ISLR2: variants seen among roughly 807,000 people sequenced by gnomAD.
ISLR2 encodes immunoglobulin superfamily containing leucine-rich repeat protein 2.
Under a neutral mutation model 25.5 loss-of-function variants are expected in ISLR2, and 16 were observed. That is an observed-to-expected ratio of 0.63 (90% CI 0.43 to 0.95). The LOEUF is 0.95. Among genes scored for constraint, ISLR2 ranks in the 40% least tolerant of loss-of-function variants. The pLI is 0.00. For synonymous variants in ISLR2, 508 were observed against 486.6 expected (o/e 1.04, Z -0.58); for missense variants, 883 against 1,030.7 (o/e 0.86, Z 1.96).
chr15:74,116,361 C>G (rs2072210906), intron 2 of ISLR2, among the ~76,000 whole-genome samples: 1 of 143,550 alleles, frequency 7.0e-6, no homozygotes, highest in Admixed American at 7.0e-5. Context: ...GCCAGGAGTT[C>G]AAGACCAGCC....
chr15:74,138,796 A>G (rs1215124053), downstream of ISLR2, among the ~76,000 whole-genome samples: 1 of 152,244 alleles, frequency 6.6e-6, no homozygotes, highest in Non-Finnish European at 1.5e-5. Context: ...CAAGAATATT[A>G]TCTCTTAGGA....
chr15:74,129,945 C>G (rs2072369323), upstream of ISLR2: 1 of 152,350 alleles, frequency 6.6e-6, no homozygotes, highest in African/African-American at 2.4e-5. This position sits in a 1 kb window ranked among gnomAD's most constrained non-coding sequence, Gnocchi z 4.5. Flanking sequence ...GTGCCCCGTT[C>G]TCCTGGAGCA....
At chr15:74,114,940 G>T (rs554657868) in intron 2 of ISLR2, among the ~76,000 whole-genome samples, 22 of 152,200 alleles carry the variant, frequency 1.4e-4, no homozygotes, top group African/African-American at 5.3e-4. Flanking sequence ...GGTAGAATTT[G>T]TGAGGTAGAG....
At chr15:74,108,320 C>G (rs774849687) in intron 2 of ISLR2, among the ~76,000 whole-genome samples, 5 of 152,180 alleles carry the variant, frequency 3.3e-5, no homozygotes, top group Non-Finnish European at 5.9e-5. Flanking sequence ...AGGCACAGCT[C>G]CTTGGACTGG....
upstream of ISLR2, chr15:74,128,098 CCTAA>C (rs901849535): frequency 4.4e-5 from 11 of 250,292 alleles, no homozygotes; most frequent in East Asian, 1.7e-4. Flanking sequence ...CACAGCCCTC[CCTAA>C]CTGTCATTAT....
chr15:74,121,187 C>T (rs1021435408), intron 2 of ISLR2, among the ~76,000 whole-genome samples: 2 of 152,184 alleles, frequency 1.3e-5, no homozygotes, highest in Non-Finnish European at 2.9e-5. Flanking sequence ...GGATTTATAG[C>T]AATTCCCTCC....
rs758644916 is a variant in ISLR2 at position 74,133,251 on chromosome 15, C to T, written c.497C>T (p.Thr166Ile). ...NNRLRTLAPG[T>I]FDALSALSHL... ...CGGCTGCGTACGCTGGCGCCTGGCA[C>T]CTTCGACGCGCTTAGCGCGCTGTCA... The change falls in exon 3 of 3, where the codon ACC (threonine) becomes ATC (isoleucine). Residue 166 changes from threonine to isoleucine, a missense_variant. Thr to Ile is a moderately conservative substitution (Grantham distance 89). Around this residue, in one of 2 missense-constraint regions of ISLR2, gnomAD observed 271 missense variants for 387.9 expected, o/e 0.70. Transcript: ENST00000453268. 8 of 1,612,074 alleles carry T rather than the reference C, an allele frequency of 5.0e-6. No individual in the cohort carries two copies. Among genetic ancestry groups the T allele is most frequent in the Non-Finnish European group, 6.8e-6 (8 of 1,179,998 alleles).
intron 2 of ISLR2, among the ~76,000 whole-genome samples, chr15:74,119,901 T>TCA (rs2072239787): frequency 6.6e-6 from 1 of 152,180 alleles, no homozygotes; most frequent in Admixed American, 6.5e-5. Context: ...ACACAGCAAG[T>TCA]CACTGGCAGA....
chr15:74,111,483 C>T (rs773512046), intron 2 of ISLR2, among the ~76,000 whole-genome samples: 8 of 151,446 alleles, frequency 5.3e-5, no homozygotes, highest in Non-Finnish European at 8.8e-5. Context: ...GTAGACAGGG[C>T]TTGCCATGTT....
At chr15:74,127,457 G>C (rs141878758), upstream of ISLR2, 1 of 152,406 alleles carries the variant, frequency 6.6e-6, no homozygotes, top group African/African-American at 2.4e-5. Flanking sequence ...TACGCAGCGC[G>C]AAGTAGGGAC....
At chr15:74,128,455 C>G (rs79925446), upstream of ISLR2, 1 of 456,518 alleles carries the variant, frequency 2.2e-6, no homozygotes, top group African/African-American at 2.0e-5. Flanking sequence ...GTCTCCCTGC[C>G]GAACTCCTTG....
rs759141857 is a variant in ISLR2, at chr15:74,132,954, G to C, written c.200G>C (p.Arg67Pro). The C allele has an allele frequency of 6.2e-7, 1 of 1,614,048 alleles. No individual in the cohort carries two copies. The highest frequency in any genetic ancestry group is 2.2e-5 in the East Asian group (1 of 44,888). ...SLSANKITVL[R>P]RGAFADVTQV... ...TCCGCGAACAAGATCACTGTGCTGC[G>C]GCGCGGGGCCTTCGCCGACGTCACA... Residue 67 changes from arginine to proline, a missense_variant, in exon 3 of 3, where the codon CGG becomes CCG. By Grantham distance (103) the Arg-to-Pro change is moderately radical. Coordinates refer to ENST00000453268, the MANE Select transcript of ISLR2 (RefSeq NM_020851.3). The surrounding 1 kb of genome is among the most constrained non-coding windows in gnomAD (Gnocchi z 4.3).
intron 2 of ISLR2, among the ~76,000 whole-genome samples, chr15:74,110,784 G>A (rs924870084): frequency 5.9e-5 from 9 of 151,836 alleles, no homozygotes; most frequent in African/African-American, 1.5e-4. Flanking sequence ...TGGCGATACC[G>A]CATCTCTACT....
chr15:74,118,674 T>C (rs1012129643), intron 2 of ISLR2, among the ~76,000 whole-genome samples: 3 of 151,432 alleles, frequency 2.0e-5, no homozygotes, highest in African/African-American at 7.3e-5. Flanking sequence ...ATTATTATTA[T>C]TGAGATGGAG....
At position 74,134,653 on chromosome 15, in the gene ISLR2, C is replaced by T; in HGVS notation, c.1899C>T (p.Ala633=). 1 of 1,614,136 alleles carries T rather than the reference C, an allele frequency of 6.2e-7. No homozygotes were observed. The change falls in exon 3 of 3, where the codon GCC becomes GCT. Residue 633 remains alanine, a synonymous_variant. Coordinates refer to ENST00000453268, the MANE Select transcript of ISLR2 (RefSeq NM_020851.3). ...ACCGTCTGATCCTGCGGCCTCAGGC[C>T]CCTGACCCTATGGAGAAGCGCATCG... ...KPYRLILRPQ[A]PDPMEKRIAA... is the part of the protein sequence containing the mutation.
chr15:74,106,330 T>C (rs2072119194), intron 2 of ISLR2, among the ~76,000 whole-genome samples: 1 of 152,150 alleles, frequency 6.6e-6, no homozygotes, highest in Non-Finnish European at 1.5e-5. Flanking sequence ...GTGGTCACAG[T>C]GTCCTCAGTC....
At chr15:74,122,318 C>G (rs761282180) in intron 2 of ISLR2, among the ~76,000 whole-genome samples, 1 of 152,242 alleles carries the variant, frequency 6.6e-6, no homozygotes, top group Non-Finnish European at 1.5e-5. Context: ...AAGGTGGGTG[C>G]AGACTTCACA....
chr15:74,140,397 G>A (rs1162422677), downstream of ISLR2, among the ~76,000 whole-genome samples: 5 of 152,166 alleles, frequency 3.3e-5, no homozygotes, highest in Non-Finnish European at 7.3e-5. Context: ...GTAGGTAGAG[G>A]GAAAGGAGTG....
intron 2 of ISLR2, among the ~76,000 whole-genome samples, chr15:74,122,824 C>G (rs2072263298): frequency 6.6e-6 from 1 of 152,192 alleles, no homozygotes; most frequent in African/African-American, 2.4e-5. Flanking sequence ...CGCAGCCCCC[C>G]AACCCCAGGA....
Sources: allele counts gnomAD v4.1 joint callset (sites outside exome capture counted in the v4.1 genomes callset), GRCh38; gene constraint gnomAD v4.1.1; regional missense constraint gnomAD v4.1.1; non-coding constraint Gnocchi (gnomAD v3.1); transcripts MANE v1.5; gene names NCBI Gene and HGNC (gene_info 2026-07-23, HGNC 2026-07-21).